Variants in CNTN3 observed in about 807,000 individuals in gnomAD.
The protein encoded by CNTN3 is contactin 3, also known as contactin-3.
Under a neutral mutation model 119.1 loss-of-function variants are expected in CNTN3, and 60 were observed. The observed-to-expected ratio is 0.50, with a 90% CI of 0.41 to 0.62. The LOEUF (loss-of-function observed/expected upper bound fraction) is 0.62, where lower values mean the gene tolerates loss of function less well. Among genes scored for constraint, CNTN3 ranks in the 20% least tolerant of loss-of-function variants. The pLI is 0.00. For missense variants in CNTN3, 1,101 were observed against 1,242.4 expected (o/e 0.89, Z 1.71); for synonymous variants, 450 against 438.7 (o/e 1.03, Z -0.32).
intron 1 of CNTN3, among the ~76,000 whole-genome samples, chr3:74,544,704 T>C (rs1298461236): frequency 6.6e-6 from 1 of 152,138 alleles, no homozygotes; most frequent in Non-Finnish European, 1.5e-5. Flanking sequence ...GTTCAAGCGA[T>C]TCTCCTGCCT....
In CNTN3 at chr3:74,555,094, C is replaced by T. The variant is rs146146266; in HGVS notation, c.-80-33902G>A. ...TATATTGAGATACGTTCAATCGATACCTAGTTTATTGAGAGTTTTTAGCAA... is the reference window on the plus strand; with the variant it reads ...TATATTGAGATACGTTCAATCGATATCTAGTTTATTGAGAGTTTTTAGCAA... On this transcript the variant is annotated intron_variant, in intron 1 of 22. Coordinates refer to ENST00000263665, the MANE Select transcript of CNTN3 (RefSeq NM_020872.3). Among the ~76,000 whole-genome samples, 108 of 152,136 alleles carry T rather than the reference C, an allele frequency of 7.1e-4. 1 individual carries two copies. The highest frequency in any genetic ancestry group is 6.8e-3 in the Middle Eastern group (2 of 294).
intron 11 of CNTN3, among the ~76,000 whole-genome samples, chr3:74,338,994 A>G (rs1703464540): frequency 6.6e-6 from 1 of 152,150 alleles, no homozygotes; most frequent in Admixed American, 6.6e-5. Flanking sequence ...TGGAAAAGAT[A>G]ATCAAATAAC....
intron 4 of CNTN3, among the ~76,000 whole-genome samples, chr3:74,449,386 T>A (rs1410324102): frequency 6.6e-6 from 1 of 151,598 alleles, no homozygotes; most frequent in Non-Finnish European, 1.5e-5. Context: ...CTAATCTCTG[T>A]AGTCATCTCT....
chr3:74,481,745 G>C (rs1702768023), intron 4 of CNTN3, among the ~76,000 whole-genome samples: 1 of 151,526 alleles, frequency 6.6e-6, no homozygotes, highest in South Asian at 2.1e-4. Flanking sequence ...ATAAAGATAA[G>C]AGAAAAATGA....
chr3:74,306,457 T>C (rs1327050423), intron 13 of CNTN3, among the ~76,000 whole-genome samples: 1 of 152,160 alleles, frequency 6.6e-6, no homozygotes, highest in African/African-American at 2.4e-5. Context: ...TAAATTAGTT[T>C]GTCTTTGTTT....
chr3:74,368,345 C>G (rs1299943382), intron 8 of CNTN3, among the ~76,000 whole-genome samples: 1 of 151,954 alleles, frequency 6.6e-6, no homozygotes, highest in Non-Finnish European at 1.5e-5. Flanking sequence ...TTTCCAAATT[C>G]TAAAATAAAT....
At chr3:74,606,401 C>T (rs1323852882) in intron 1 of CNTN3, among the ~76,000 whole-genome samples, 1 of 151,672 alleles carries the variant, frequency 6.6e-6, no homozygotes, top group Admixed American at 6.6e-5. Context: ...ATCCCCTATC[C>T]TAATCTATGT....
chr3:74,487,775 A>G (rs1559628175), intron 3 of CNTN3, among the ~76,000 whole-genome samples: 1 of 152,090 alleles, frequency 6.6e-6, no homozygotes, highest in East Asian at 1.9e-4. Context: ...ATACAAGTGC[A>G]TAAAGTTAAA....
intron 2 of CNTN3, among the ~76,000 whole-genome samples, chr3:74,502,188 A>G (rs1241358732): frequency 6.6e-6 from 1 of 152,166 alleles, no homozygotes; most frequent in African/African-American, 2.4e-5. Flanking sequence ...ATAATGCATT[A>G]ACATAATGGT....
In CNTN3 at chr3:74,398,953, T is replaced by G. The variant is rs138158721; in HGVS notation, c.454+25892A>C. The stretch of plus-strand genomic sequence containing the variant: ...CAGTGATATTGCAATACATACAATG[T>G]TTAGTGATCGGATCAAGATAGTTAG... On this transcript the variant is annotated intron_variant, in intron 5 of 22. Transcript: ENST00000263665. Among the ~76,000 whole-genome samples the G allele has an allele frequency of 5.1e-3, 783 of 152,310 alleles. 7 individuals carry two copies. Among genetic ancestry groups the G allele is most frequent in the African/African-American group, 0.018 (750 of 41,564 alleles).
chr3:74,391,949 C>T (rs184274416), intron 5 of CNTN3, among the ~76,000 whole-genome samples: 22 of 152,260 alleles, frequency 1.4e-4, no homozygotes, highest in Non-Finnish European at 3.2e-4. Flanking sequence ...TGAGCCACAG[C>T]ACCCAGACTC....
chr3:74,422,411 A>G (rs1183748990), intron 5 of CNTN3, among the ~76,000 whole-genome samples: 1 of 152,164 alleles, frequency 6.6e-6, no homozygotes, highest in Non-Finnish European at 1.5e-5. Context: ...TGTCATCCCA[A>G]CCGAGTGTTT....
intron 1 of CNTN3, among the ~76,000 whole-genome samples, chr3:74,612,856 A>T (rs1321750081): frequency 6.6e-6 from 1 of 152,174 alleles, no homozygotes; most frequent in Non-Finnish European, 1.5e-5. Context: ...AGATTTCTTT[A>T]ATGAACATTC....
chr3:74,309,205 T>C (rs1702627513), intron 13 of CNTN3, among the ~76,000 whole-genome samples: 1 of 152,068 alleles, frequency 6.6e-6, no homozygotes, highest in African/African-American at 2.4e-5. Context: ...CCTGGGTTCA[T>C]GTGATCCTTC....
At chr3:74,610,752 T>C (rs913309296) in intron 1 of CNTN3, among the ~76,000 whole-genome samples, 2 of 151,674 alleles carry the variant, frequency 1.3e-5, no homozygotes, top group African/African-American at 4.8e-5. Context: ...GGAGAGAAGA[T>C]GGGGACTTGG....
chr3:74,570,564 C>A (rs1321272618), intron 1 of CNTN3, among the ~76,000 whole-genome samples: 1 of 149,488 alleles, frequency 6.7e-6, no homozygotes, highest in Non-Finnish European at 1.5e-5. Context: ...AAAAATGATC[C>A]TACCTGGGAT....
chr3:74,551,056 G>A (rs1575823659), intron 1 of CNTN3, among the ~76,000 whole-genome samples: 2 of 152,170 alleles, frequency 1.3e-5, no homozygotes, highest in East Asian at 1.9e-4. Context: ...TTGATTACAT[G>A]AGACTCCTTG....
chr3:74,364,656 AACTG>A (rs1225118633), intron 9 of CNTN3, 60 bp from the exon 10 acceptor site: 43 of 1,410,698 alleles, frequency 3.0e-5, no homozygotes, highest in African/African-American at 4.3e-5. Context: ...AATAAAAATG[AACTG>A]ACTATCATTT....
In CNTN3 at chr3:74,345,592, G is replaced by A. The variant is rs187809372; in HGVS notation, c.1365-8934C>T. On this transcript the variant is annotated intron_variant, in intron 11 of 22. Coordinates refer to ENST00000263665, the MANE Select transcript of CNTN3 (RefSeq NM_020872.3). Reference sequence around the variant, plus strand: ...ATTCAGTTACCCTTAAGTTGTGAGCGGTAAAAGAAGTAACCTTTAAAATTG... The same window carrying A: ...ATTCAGTTACCCTTAAGTTGTGAGCAGTAAAAGAAGTAACCTTTAAAATTG... Among the ~76,000 whole-genome samples, 8 of 152,124 alleles carry A rather than the reference G, an allele frequency of 5.3e-5. No homozygotes were observed. The South Asian group carries it at 6.2e-4, about 12-fold the overall frequency.
Sources: gnomAD v4.1 joint callset for allele counts (sites outside exome capture counted in the v4.1 genomes callset) on GRCh38, gnomAD v4.1.1 for gene constraint, MANE v1.5 for transcripts, NCBI Gene and HGNC (gene_info 2026-07-23, HGNC 2026-07-21) for gene names.